TMEM63C: variants seen among roughly 807,000 people sequenced by gnomAD.
The protein encoded by TMEM63C is transmembrane protein 63C.
Under a neutral mutation model 99.2 loss-of-function variants are expected in TMEM63C, and 32 were observed. That is an observed-to-expected ratio of 0.32 (90% CI 0.24 to 0.43). The LOEUF (loss-of-function observed/expected upper bound fraction) is 0.43, where lower values mean the gene tolerates loss of function less well. Among genes scored for constraint, TMEM63C ranks in the 20% least tolerant of loss-of-function variants. TMEM63C has a pLI of 1.00. For missense variants in TMEM63C, 826 were observed against 1,053.0 expected, an observed-to-expected ratio of 0.78 and a Z score of 2.98; for synonymous variants, 376 against 397.9, an observed-to-expected ratio of 0.94 and a Z score of 0.66.
intron 15 of TMEM63C, 135 bp downstream of exon 15, chr14:77,243,191 T>C (rs1186183718): frequency 1.9e-6 from 2 of 1,071,348 alleles, no homozygotes; most frequent in African/African-American, 3.2e-5. Context: ...GAGGTGGCCA[T>C]GGTGCAAATG....
chr14:77,207,463 C>T (rs902961473), intron 1 of TMEM63C, among the ~76,000 whole-genome samples: 2 of 152,230 alleles, frequency 1.3e-5, no homozygotes, highest in African/African-American at 4.8e-5. Context: ...AGGCCATCCT[C>T]CTGTACCCCA....
intron 5 of TMEM63C, among the ~76,000 whole-genome samples, chr14:77,221,729 G>C (rs1048524338): frequency 7.5e-6 from 1 of 134,084 alleles, no homozygotes; most frequent in Non-Finnish European, 1.6e-5. Flanking sequence ...GTGAGCTCCC[G>C]TCCCTCACTC....
intron 1 of TMEM63C, among the ~76,000 whole-genome samples, chr14:77,187,747 A>T (rs1181456140): frequency 1.3e-5 from 2 of 152,204 alleles, no homozygotes; most frequent in Non-Finnish European, 2.9e-5. Context: ...TGGGAAGAGC[A>T]GGCTTTCTGA....
intron 1 of TMEM63C, among the ~76,000 whole-genome samples, chr14:77,193,656 G>C (rs902559394): frequency 6.6e-6 from 1 of 152,154 alleles, no homozygotes; most frequent in South Asian, 2.1e-4. Context: ...CCAACATGGA[G>C]AAACCCCGTC....
intron 13 of TMEM63C, among the ~76,000 whole-genome samples, chr14:77,241,941 A>G (rs189114640): frequency 1.3e-5 from 2 of 152,368 alleles, no homozygotes; most frequent in Non-Finnish European, 2.9e-5. Context: ...CTGGTCATCA[A>G]TTAGCACAGT....
At chr14:77,218,718 C>A in intron 2 of TMEM63C, 83 bp from the exon 3 acceptor site, 2 of 1,462,570 alleles carry the variant, frequency 1.4e-6, no homozygotes, top group Non-Finnish European at 1.9e-6. Flanking sequence ...CGGTGCCCAT[C>A]CCACAACTCC....
chr14:77,189,083 A>G (rs1184526565), intron 1 of TMEM63C, among the ~76,000 whole-genome samples: 3 of 152,154 alleles, frequency 2.0e-5, no homozygotes, highest in Non-Finnish European at 4.4e-5. Flanking sequence ...AAATAATACC[A>G]TTAAGTGAAA....
chr14:77,189,280 T>TC (rs1483414605), intron 1 of TMEM63C, among the ~76,000 whole-genome samples: 2 of 151,210 alleles, frequency 1.3e-5, no homozygotes, highest in Non-Finnish European at 3.0e-5. Context: ...CAGCTAATTT[T>TC]TTTTTTTTTG....
chr14:77,190,394 C>T (rs1177626220), intron 1 of TMEM63C, among the ~76,000 whole-genome samples: 1 of 152,104 alleles, frequency 6.6e-6, no homozygotes, highest in Non-Finnish European at 1.5e-5. Context: ...CACCAAATCA[C>T]AGAGAAAGAG....
chr14:77,225,188 C>G (rs895150180), intron 5 of TMEM63C, among the ~76,000 whole-genome samples: 35 of 152,236 alleles, frequency 2.3e-4, no homozygotes, highest in African/African-American at 8.4e-4. Flanking sequence ...CAAGGGTCAC[C>G]TTCTAAACCC....
At chr14:77,228,641 A>G (rs1296222645) in intron 6 of TMEM63C, among the ~76,000 whole-genome samples, 1 of 151,580 alleles carries the variant, frequency 6.6e-6, no homozygotes, top group African/African-American at 2.4e-5. Flanking sequence ...CGTTCAAACA[A>G]TTTTCCTGCC....
intron 9 of TMEM63C, among the ~76,000 whole-genome samples, chr14:77,237,434 G>A (rs1889081770): frequency 6.6e-6 from 1 of 152,108 alleles, no homozygotes; most frequent in South Asian, 2.1e-4. Flanking sequence ...CCCAGGAAAG[G>A]CCAGTAAGGG....
chr14:77,254,948 G>C (rs1283095146), intron 23 of TMEM63C, among the ~76,000 whole-genome samples: 3 of 152,090 alleles, frequency 2.0e-5, no homozygotes, highest in Non-Finnish European at 1.5e-5. Flanking sequence ...GATTTACATA[G>C]TTTTGCTAAA....
At chr14:77,238,841 G>A (rs1163608016) in intron 10 of TMEM63C, 74 bp downstream of exon 10, 1 of 1,217,744 alleles carries the variant, frequency 8.2e-7, no homozygotes, top group African/African-American at 1.5e-5. Flanking sequence ...CAAGTGGGTA[G>A]TGAGTTGGTG....
chr14:77,225,153 A>G (rs1218706270), intron 5 of TMEM63C, among the ~76,000 whole-genome samples: 6 of 152,198 alleles, frequency 3.9e-5, no homozygotes, highest in Non-Finnish European at 5.9e-5. Context: ...TCACCCCAGA[A>G]GCAGTCACTT....
intron 23 of TMEM63C, among the ~76,000 whole-genome samples, chr14:77,253,750 G>A (rs577233199): frequency 8.5e-5 from 13 of 152,330 alleles, no homozygotes; most frequent in Admixed American, 7.2e-4. Context: ...CAGGCAGAGC[G>A]ACACAGACAG....
chr14:77,246,930 T>C (rs911191832), intron 18 of TMEM63C, among the ~76,000 whole-genome samples: 2 of 152,192 alleles, frequency 1.3e-5, no homozygotes, highest in Admixed American at 1.3e-4. Flanking sequence ...CCAAACTGTA[T>C]GCAGGGTGGG....
chr14:77,215,033 T>TG (rs1482847503), intron 2 of TMEM63C, among the ~76,000 whole-genome samples: 2 of 152,118 alleles, frequency 1.3e-5, no homozygotes, highest in Non-Finnish European at 2.9e-5. Context: ...TCATACTTGC[T>TG]GGGGGGAAGC....
At chr14:77,197,005 G>C (rs1888226261) in intron 1 of TMEM63C, among the ~76,000 whole-genome samples, 1 of 152,150 alleles carries the variant, frequency 6.6e-6, no homozygotes, top group African/African-American at 2.4e-5. Flanking sequence ...GACATCCCAA[G>C]CTAGAAGGTA....
Sources: gnomAD v4.1 joint callset for allele counts (sites outside exome capture counted in the v4.1 genomes callset) on GRCh38, gnomAD v4.1.1 for gene constraint, MANE v1.5 for transcripts, NCBI Gene and HGNC (gene_info 2026-07-23, HGNC 2026-07-21) for gene names.